Variants in TTC29 observed in about 807,000 individuals in gnomAD.
The protein encoded by TTC29 is tetratricopeptide repeat domain 29, also known as tetratricopeptide repeat protein 29.
In TTC29, 49 loss-of-function variants were observed where a neutral mutation model predicts 58.1. That is an observed-to-expected ratio of 0.84 (90% CI 0.67 to 1.07). The LOEUF (loss-of-function observed/expected upper bound fraction) is 1.07. Ranked by LOEUF, TTC29 falls within the 50% of genes least tolerant of loss-of-function variation. The pLI is 0.00. For missense variants in TTC29, 582 were observed against 555.6 expected, an observed-to-expected ratio of 1.05 and a Z score of -0.48; for synonymous variants, 209 against 196.8, an observed-to-expected ratio of 1.06 and a Z score of -0.52.
At chr4:146,738,520 C>T (rs1029658840) in intron 11 of TTC29, among the ~76,000 whole-genome samples, 15 of 151,346 alleles carry the variant, frequency 9.9e-5, no homozygotes, top group African/African-American at 2.4e-4. Flanking sequence ...TTTTTTTGCT[C>T]GAAGGGATCT....
chr4:146,859,397 T>C (rs1358670726), intron 8 of TTC29, among the ~76,000 whole-genome samples: 1 of 152,166 alleles, frequency 6.6e-6, no homozygotes, highest in African/African-American at 2.4e-5. Flanking sequence ...TTTACATTTT[T>C]TTCTTCTGAC....
intron 9 of TTC29, among the ~76,000 whole-genome samples, chr4:146,829,513 G>GA (rs1728025112): frequency 6.6e-6 from 1 of 152,056 alleles, no homozygotes; most frequent in South Asian, 2.1e-4. Context: ...AGTGACAGGA[G>GA]AAAATGCAAA....
At chr4:146,887,494 A>G (rs1274928567) in intron 6 of TTC29, among the ~76,000 whole-genome samples, 4 of 152,030 alleles carry the variant, frequency 2.6e-5, no homozygotes, top group African/African-American at 9.7e-5. Context: ...CCTGATATGG[A>G]TATTAGGAGC....
intron 8 of TTC29, among the ~76,000 whole-genome samples, chr4:146,850,314 A>G (rs948729203): frequency 6.6e-6 from 1 of 152,236 alleles, no homozygotes; most frequent in African/African-American, 2.4e-5. Context: ...CCAAGGTCAT[A>G]CAACTGGTAA....
At chr4:146,740,590 G>A (rs541725979) in intron 11 of TTC29, among the ~76,000 whole-genome samples, 132 of 152,042 alleles carry the variant, frequency 8.7e-4, no homozygotes, top group Non-Finnish European at 1.3e-3. Flanking sequence ...TGGGTATTTG[G>A]ATAAGTAAAT....
In TTC29 at chr4:146,937,612, G is replaced by T; in HGVS notation, c.158C>A (p.Ser53Ter). ...TACTTACGCAGCAACTTCCTCTTTT[G>T]ATAATCCTTTGAAATTTACCTCTAG... is the stretch of plus-strand genomic sequence containing the variant. Reference protein sequence around the residue: ...HYLEVNFKGLSKEEVAAYRNS... With the variant: ...HYLEVNFKGL The change falls in exon 4 of 13, where the codon TCA becomes TAA. Residue 53 changes from serine to a stop codon, truncating the protein, a stop_gained. Coordinates refer to ENST00000325106, the MANE Select transcript of TTC29 (RefSeq NM_031956.4). LOFTEE classifies it high-confidence loss of function. The T allele has an allele frequency of 1.3e-6, 2 of 1,533,138 alleles. No homozygotes were observed. Among genetic ancestry groups the T allele is most frequent in the South Asian group, 1.2e-5 (1 of 80,732 alleles). 95.0% of individuals were successfully genotyped at this position (1,533,138 alleles called of 1,614,324 possible).
intron 9 of TTC29, among the ~76,000 whole-genome samples, chr4:146,824,251 T>G (rs974123745): frequency 6.6e-6 from 1 of 152,046 alleles, no homozygotes; most frequent in East Asian, 1.9e-4. Context: ...TCATAAATAG[T>G]TCTTATTATT....
At chr4:146,721,455 T>C (rs947932825) in intron 11 of TTC29, among the ~76,000 whole-genome samples, 3 of 152,214 alleles carry the variant, frequency 2.0e-5, no homozygotes, top group Non-Finnish European at 4.4e-5. Flanking sequence ...AACTTTTCTC[T>C]TTTGAAAACT....
At chr4:146,760,481 C>T (rs1746800364) in intron 11 of TTC29, among the ~76,000 whole-genome samples, 1 of 151,684 alleles carries the variant, frequency 6.6e-6, no homozygotes, top group South Asian at 2.1e-4. Context: ...ATAGCCAAAC[C>T]AAGAGTAAGC....
intron 8 of TTC29, among the ~76,000 whole-genome samples, chr4:146,838,974 T>C (rs1166024066): frequency 6.6e-6 from 1 of 151,950 alleles, no homozygotes; most frequent in East Asian, 1.9e-4. Flanking sequence ...GATGGAACTG[T>C]CCCCTGACCC....
At chr4:146,864,927 T>G (rs2150205617) in intron 8 of TTC29, among the ~76,000 whole-genome samples, 1 of 152,124 alleles carries the variant, frequency 6.6e-6, no homozygotes, top group Admixed American at 6.5e-5. Context: ...TTTTTTTTTT[T>G]TTAAGGGGAG....
chr4:146,775,842 A>G (rs1266673129), intron 11 of TTC29, among the ~76,000 whole-genome samples: 1 of 152,166 alleles, frequency 6.6e-6, no homozygotes, highest in Non-Finnish European at 1.5e-5. Flanking sequence ...ATCCTAAAAT[A>G]TGTTTTACAG....
At chr4:146,773,698 C>T (rs1474079480) in intron 11 of TTC29, among the ~76,000 whole-genome samples, 2 of 151,204 alleles carry the variant, frequency 1.3e-5, no homozygotes, top group African/African-American at 4.9e-5. Context: ...CTGAAGTTTT[C>T]TCTTTTTTTG....
At chr4:146,893,235 C>T (rs897104608) in intron 6 of TTC29, among the ~76,000 whole-genome samples, 2 of 152,050 alleles carry the variant, frequency 1.3e-5, no homozygotes, top group African/African-American at 4.8e-5. Context: ...CAATCCTAAG[C>T]CAAAAGAACA....
At chr4:146,714,268 C>T (rs906335215) in intron 11 of TTC29, among the ~76,000 whole-genome samples, 7 of 152,182 alleles carry the variant, frequency 4.6e-5, no homozygotes, top group Admixed American at 3.9e-4. Context: ...AACAAAGTTA[C>T]TCTAACTGTA....
At chr4:146,866,073 G>A (rs1053572940) in intron 8 of TTC29, among the ~76,000 whole-genome samples, 5 of 152,156 alleles carry the variant, frequency 3.3e-5, no homozygotes, top group African/African-American at 1.2e-4. Context: ...AATATTTTCA[G>A]AAAGATAAGC....
At chr4:146,750,988 A>G (rs1384507466) in intron 11 of TTC29, among the ~76,000 whole-genome samples, 1 of 152,226 alleles carries the variant, frequency 6.6e-6, no homozygotes, top group Non-Finnish European at 1.5e-5. Context: ...TTTAAGCTTA[A>G]AGACACATGT....
At chr4:146,906,110 C>T (rs551992076) in intron 5 of TTC29, among the ~76,000 whole-genome samples, 156 of 151,864 alleles carry the variant, frequency 1.0e-3, no homozygotes, top group African/African-American at 3.7e-3. Flanking sequence ...GCATAAGGCT[C>T]AAATCAGATG....
intron 11 of TTC29, among the ~76,000 whole-genome samples, chr4:146,738,974 G>A (rs865895345): frequency 6.6e-6 from 1 of 152,068 alleles, no homozygotes. Context: ...CTTTGTAATA[G>A]CCTTTATAAT....
Sources: gnomAD v4.1 joint callset for allele counts (sites outside exome capture counted in the v4.1 genomes callset) on GRCh38, gnomAD v4.1.1 for gene constraint, MANE v1.5 for transcripts, NCBI Gene and HGNC (gene_info 2026-07-23, HGNC 2026-07-21) for gene names.